The following ESR1 variants were observed in gnomAD, a reference collection of about 807,000 sequenced individuals.
ESR1 encodes estrogen receptor 1.
A neutral mutation model predicts 52.7 loss-of-function variants in ESR1; 12 were observed. That is an observed-to-expected ratio of 0.23 (90% CI 0.15 to 0.37). ESR1 has a LOEUF of 0.37. ESR1 is among the 10% of genes least tolerant of loss of function. ESR1 has a pLI of 1.00. For synonymous variants in ESR1, 305 were observed against 316.8 expected (o/e 0.96, Z 0.39); for missense variants, 584 against 779.7 (o/e 0.75, Z 2.99).
rs1023864689 is a variant in ESR1 at position 152,070,775 on chromosome 6, G to A, written c.1369+9651G>A. 1.2e-4 allele frequency among the ~76,000 whole-genome samples: 16 copies of A among 139,048 alleles called. 4 individuals carry two copies. Among genetic ancestry groups the A allele is most frequent in the African/African-American group, 5.0e-4 (16 of 31,804 alleles). 91.2% of individuals were successfully genotyped at this position (139,048 alleles called of 152,430 possible). A position where few individuals can be genotyped will look rare whatever the true frequency, so the allele number is the denominator to read the frequency against. On this transcript the variant is annotated intron_variant, in intron 6 of 7. Transcript: ENST00000206249. ...GCTTCCACCTCTTCCAGCACTTTCCGCCAGAGGGCCCGTGGCTGCTTTTGC... is the reference window on the plus strand; with the variant it reads ...GCTTCCACCTCTTCCAGCACTTTCCACCAGAGGGCCCGTGGCTGCTTTTGC...
chr6:151,973,218 C>T (rs2039091850), intron 4 of ESR1, among the ~76,000 whole-genome samples: 2 of 152,146 alleles, frequency 1.3e-5, no homozygotes. Flanking sequence ...CTTACAATAG[C>T]TCTGTGTAGT....
chr6:152,075,263 T>TC (rs1168347107), intron 6 of ESR1, among the ~76,000 whole-genome samples: 7 of 152,222 alleles, frequency 4.6e-5, no homozygotes, highest in Non-Finnish European at 1.0e-4. Flanking sequence ...GAGGTTCACC[T>TC]TTTTATTTGT....
chr6:151,839,361 T>C (rs971722372), intron 1 of ESR1, among the ~76,000 whole-genome samples: 2 of 152,118 alleles, frequency 1.3e-5, no homozygotes, highest in Non-Finnish European at 2.9e-5. Context: ...GGAGAGGATA[T>C]AGAGCAAATA....
At chr6:152,015,782 T>C (rs1167207313) in intron 5 of ESR1, among the ~76,000 whole-genome samples, 2 of 152,214 alleles carry the variant, frequency 1.3e-5, no homozygotes, top group African/African-American at 4.8e-5. Context: ...ATAAGCGCAT[T>C]TGGCGTGTGC....
intron 3 of ESR1, among the ~76,000 whole-genome samples, chr6:151,888,478 A>G (rs926313613): frequency 1.3e-5 from 2 of 152,150 alleles, no homozygotes; most frequent in African/African-American, 4.8e-5. Context: ...GTTTGCTGTT[A>G]GTGTATAGAA....
intron 5 of ESR1, among the ~76,000 whole-genome samples, chr6:152,058,571 A>C (rs2047294669): frequency 6.6e-6 from 1 of 152,240 alleles, no homozygotes; most frequent in African/African-American, 2.4e-5. Flanking sequence ...ATTTGGGAAT[A>C]GGATGACAAT....
chr6:151,935,225 A>G (rs1047590192), intron 3 of ESR1, among the ~76,000 whole-genome samples: 2 of 152,212 alleles, frequency 1.3e-5, no homozygotes, highest in Non-Finnish European at 2.9e-5. Context: ...CATCATTATT[A>G]TTATTACTGA....
chr6:151,880,530 G>C, intron 2 of ESR1, 125 bp from the exon 3 acceptor site: 1 of 762,238 alleles, frequency 1.3e-6, no homozygotes, highest in Admixed American at 1.7e-5. Context: ...AGGCAGGCAG[G>C]CTGGGGAGCA....
chr6:152,025,815 C>T (rs190719951), intron 5 of ESR1, among the ~76,000 whole-genome samples: 1 of 151,836 alleles, frequency 6.6e-6, no homozygotes, highest in East Asian at 1.9e-4. Flanking sequence ...TGAGTTGATA[C>T]TTAATTTATT....
downstream of ESR1, among the ~76,000 whole-genome samples, chr6:152,108,103 A>G (rs1562794742): frequency 6.6e-6 from 1 of 152,166 alleles, no homozygotes; most frequent in Non-Finnish European, 1.5e-5. Flanking sequence ...TCATGGTCAG[A>G]CAGGAGTCAG....
intron 2 of ESR1, among the ~76,000 whole-genome samples, chr6:151,724,794 C>G (rs934960241): frequency 6.6e-6 from 1 of 152,152 alleles, no homozygotes; most frequent in African/African-American, 2.4e-5. Context: ...CTGGGTCCAT[C>G]CTGGTCTGTA....
chr6:151,943,533 G>A (rs1378618574), intron 3 of ESR1, among the ~76,000 whole-genome samples: 1 of 152,138 alleles, frequency 6.6e-6, no homozygotes, highest in Non-Finnish European at 1.5e-5. Context: ...AATGACTTGA[G>A]GGACTTGGGG....
intron 1 of ESR1, among the ~76,000 whole-genome samples, chr6:151,822,277 G>A (rs1441100947): frequency 6.6e-6 from 1 of 152,186 alleles, no homozygotes; most frequent in African/African-American, 2.4e-5. Flanking sequence ...GGTAGGTGAA[G>A]TTAGTATGGA....
At chr6:151,868,121 GTTTT>G (rs987544401) in intron 2 of ESR1, among the ~76,000 whole-genome samples, 1 of 145,616 alleles carries the variant, frequency 6.9e-6, no homozygotes, top group African/African-American at 2.5e-5. Context: ...TGTTTTCTTT[GTTTT>G]TTTTTGTTTG....
At chr6:151,914,938 T>A (rs373764676) in intron 3 of ESR1, among the ~76,000 whole-genome samples, 9 of 152,336 alleles carry the variant, frequency 5.9e-5, no homozygotes, top group Admixed American at 2.0e-4. Context: ...AATAGTTAAC[T>A]TGCCTTTCAC....
At chr6:151,989,571 G>A (rs909465313) in intron 4 of ESR1, among the ~76,000 whole-genome samples, 5 of 152,004 alleles carry the variant, frequency 3.3e-5, no homozygotes, top group Non-Finnish European at 7.4e-5. Context: ...AATCAGATTT[G>A]GTCACTAATA....
At chr6:151,959,235 T>C (rs2037372571) in intron 4 of ESR1, among the ~76,000 whole-genome samples, 2 of 152,008 alleles carry the variant, frequency 1.3e-5, no homozygotes, top group Admixed American at 1.3e-4. Context: ...GTGTAGAGGT[T>C]GGGTTGTCTC....
At chr6:152,036,974 A>G (rs1467634733) in intron 5 of ESR1, among the ~76,000 whole-genome samples, 3 of 152,220 alleles carry the variant, frequency 2.0e-5, no homozygotes, top group Non-Finnish European at 4.4e-5. Context: ...AAAAGAGAGC[A>G]ATGTTTTTCT....
In ESR1 at chr6:152,094,379, A is replaced by C. The variant is rs749650087; in HGVS notation, c.1370-6A>C. ...TCTCTCTCTCACTCTCTCTCTGCGC[A>C]TTCAGGAGTGTACACATTTCTGTCC... is the stretch of plus-strand genomic sequence containing the variant. On this transcript the variant is annotated splice_region_variant and splice_polypyrimidine_tract_variant and intron_variant, in intron 6 of 7. Transcript: ENST00000206249. This position sits in a 1 kb window ranked among gnomAD's most constrained non-coding sequence, Gnocchi z 4.6. 1.2e-6 allele frequency: 2 copies of C among 1,613,498 alleles called. No homozygotes were observed. The highest frequency in any genetic ancestry group is 1.7e-6 in the Non-Finnish European group (2 of 1,179,554).
Sources: gnomAD v4.1 joint callset for allele counts (sites outside exome capture counted in the v4.1 genomes callset) on GRCh38, gnomAD v4.1.1 for gene constraint, Gnocchi (gnomAD v3.1) non-coding constraint, MANE v1.5 for transcripts, NCBI Gene and HGNC (gene_info 2026-07-23, HGNC 2026-07-21) for gene names.